Variants in USP7 observed in about 807,000 individuals in gnomAD.
USP7 encodes the protein ubiquitin C-terminal hydrolase 7.
A neutral mutation model predicts 162.9 loss-of-function variants in USP7; 9 were observed. That is an observed-to-expected ratio of 0.06 (90% CI 0.03 to 0.10). The LOEUF (loss-of-function observed/expected upper bound fraction) is 0.10. USP7 is among the 10% of genes least tolerant of loss of function. The pLI is 1.00. For synonymous variants in USP7, 562 were observed against 475.9 expected, an observed-to-expected ratio of 1.18 and a Z score of -2.35; for missense variants, 715 against 1,373.7, an observed-to-expected ratio of 0.52 and a Z score of 7.58.
chr16:8,894,999 C>G (rs201870500), intron 28 of USP7, 32 bp downstream of exon 28: 2 of 1,614,094 alleles, frequency 1.2e-6, no homozygotes, highest in Admixed American at 3.3e-5. Flanking sequence ...CAGGTTTTGA[C>G]GTGAGCCACT....
intron 1 of USP7, among the ~76,000 whole-genome samples, chr16:8,961,263 C>G (rs1055832147): frequency 6.6e-6 from 1 of 151,998 alleles, no homozygotes; most frequent in African/African-American, 2.4e-5. Context: ...AAGGACGAGG[C>G]GGGCAGATCA....
intron 21 of USP7, 74 bp downstream of exon 21, chr16:8,900,456 T>A (rs1483777991): frequency 3.5e-6 from 4 of 1,129,236 alleles, no homozygotes; most frequent in Non-Finnish European, 4.9e-6. Flanking sequence ...TAGGTACAAA[T>A]GTTTCTTGGT....
intron 30 of USP7, among the ~76,000 whole-genome samples, 182 bp downstream of exon 30, chr16:8,894,368 A>C (rs1179743668): frequency 6.6e-6 from 1 of 152,162 alleles, no homozygotes; most frequent in East Asian, 1.9e-4. Flanking sequence ...ACAGGTTACA[A>C]AGGATGTAAG....
intron 2 of USP7, among the ~76,000 whole-genome samples, chr16:8,928,651 T>G (rs1596388908): frequency 6.6e-6 from 1 of 152,174 alleles, no homozygotes; most frequent in Admixed American, 6.5e-5. Flanking sequence ...TATTACATGC[T>G]GGGTCTTTCA....
At chr16:8,947,675 C>T (rs1369954360) in intron 1 of USP7, among the ~76,000 whole-genome samples, 1 of 152,162 alleles carries the variant, frequency 6.6e-6, no homozygotes, top group Non-Finnish European at 1.5e-5. Flanking sequence ...GCCTTAATTT[C>T]TATATGGTAA....
chr16:8,898,058 A>T (rs979194998), intron 25 of USP7, among the ~76,000 whole-genome samples: 1 of 152,102 alleles, frequency 6.6e-6, no homozygotes, highest in African/African-American at 2.4e-5. Flanking sequence ...CCGCGGCAGG[A>T]AGAGCTGGAG....
Position 8,952,959 on chromosome 16 carries a change from C to A in USP7, c.79+10248G>T, listed in dbSNP as rs111436450. Among the ~76,000 whole-genome samples, 343 of 152,226 alleles carry A rather than the reference C, an allele frequency of 2.3e-3. 1 individual carries two copies. Among genetic ancestry groups the A allele is most frequent in the African/African-American group, 6.9e-3 (285 of 41,532 alleles). On this transcript the variant is annotated intron_variant, in intron 1 of 30. Coordinates refer to ENST00000344836, the MANE Select transcript of USP7 (RefSeq NM_003470.3). ...TCAAGCGATTCTCCTGCCTCGGCCTCCCAAGTAGCTGGGATTACAGTCGCG... is the reference window on the plus strand; with the variant it reads ...TCAAGCGATTCTCCTGCCTCGGCCTACCAAGTAGCTGGGATTACAGTCGCG...
At chr16:8,939,825 C>T (rs1332689119) in intron 1 of USP7, among the ~76,000 whole-genome samples, 1 of 152,194 alleles carries the variant, frequency 6.6e-6, no homozygotes, top group Admixed American at 6.5e-5. Context: ...TCTGGCCGAG[C>T]GCAGTGGCTC....
chr16:8,908,240 G>A (rs1567215412), intron 12 of USP7, 101 bp downstream of exon 12: 1 of 934,778 alleles, frequency 1.1e-6, no homozygotes, highest in African/African-American at 1.6e-5. Flanking sequence ...AAATAAATCA[G>A]ATGTGGGACT....
At chr16:8,896,927 C>A in intron 26 of USP7, 72 bp downstream of exon 26, 3 of 1,167,162 alleles carry the variant, frequency 2.6e-6, no homozygotes, top group Admixed American at 1.7e-5. Context: ...TTTCCACCAA[C>A]GCAACTGCAG....
At position 8,911,069 on chromosome 16, in the gene USP7, T is replaced by C. The variant is rs532351333; in HGVS notation, c.1079-242A>G. 2.0e-5 allele frequency among the ~76,000 whole-genome samples: 3 copies of C among 152,348 alleles called. No homozygotes were observed. The East Asian group carries it at 5.8e-4, about 29-fold the overall frequency. The stretch of plus-strand genomic sequence containing the variant: ...AAAATGACAATATGGAGGTAACAGT[T>C]AAGGTTTTACTGTTATTCGAACAAA... On this transcript the variant is annotated intron_variant, in intron 10 of 30. Transcript: ENST00000344836.
At chr16:8,900,498 C>T in intron 21 of USP7, 32 bp downstream of exon 21, 1 of 1,492,096 alleles carries the variant, frequency 6.7e-7, no homozygotes, top group Non-Finnish European at 9.1e-7. Context: ...GAAATTAGTA[C>T]AAAGTGATAC....
At chr16:8,946,735 C>G (rs1025190999) in intron 1 of USP7, among the ~76,000 whole-genome samples, 2 of 152,250 alleles carry the variant, frequency 1.3e-5, no homozygotes, top group Non-Finnish European at 2.9e-5. Flanking sequence ...GGCCTCCACA[C>G]AGCCACTCAC....
At chr16:8,927,300 CAAAAAGAAAAAAAG>C (rs1008854887) in intron 2 of USP7, among the ~76,000 whole-genome samples, 7 of 138,916 alleles carry the variant, frequency 5.0e-5, no homozygotes, top group East Asian at 2.0e-4. Flanking sequence ...CCAGCCTGGC[CAAAAAGAAAAAAAG>C]AAAAAGAAAA....
intron 7 of USP7, 100 bp from the exon 8 acceptor site, chr16:8,916,656 T>C: frequency 8.5e-7 from 1 of 1,183,134 alleles, no homozygotes; most frequent in Non-Finnish European, 1.2e-6. Context: ...TAATCAGCTA[T>C]TATTCTCAAA....
intron 1 of USP7, among the ~76,000 whole-genome samples, chr16:8,956,984 C>CTGGG (rs1373653412): frequency 6.6e-6 from 1 of 152,188 alleles, no homozygotes; most frequent in Non-Finnish European, 1.5e-5. Context: ...CCATCCCATG[C>CTGGG]TGGGTTCTTG....
chr16:8,895,265 A>G lies in USP7; in HGVS notation c.2920-115T>C, dbSNP rs1054359394. 2.0e-6 allele frequency: 3 copies of G among 1,502,654 alleles called. No individual in the cohort carries two copies. In the African/African-American group the frequency reaches 4.1e-5, roughly 21 times the overall value. The allele number at this position is 1,502,654 out of a possible 1,614,324, so 93.1% of individuals were successfully genotyped here. ...GAGGGTAAAGCCTATTTTTGCTAAA[A>G]AAACGCCACACCTGGATCCAGCCAG... On this transcript the variant is annotated intron_variant, in intron 27 of 30. Coordinates refer to ENST00000344836, the MANE Select transcript of USP7 (RefSeq NM_003470.3).
At position 8,951,454 on chromosome 16, in the gene USP7, G is replaced by C. The variant is rs1013788559; in HGVS notation, c.79+11753C>G. Among the ~76,000 whole-genome samples the C allele has an allele frequency of 2.6e-5, 4 of 152,066 alleles. No individual in the cohort carries two copies. The East Asian group carries it at 7.7e-4, about 29-fold the overall frequency. On this transcript the variant is annotated intron_variant, in intron 1 of 30. Transcript: ENST00000344836. ...GGCTCCACAGAGAACACAGCCCGGG[G>C]AGCAGGGGGCTCACCCACCTCGCCC... is the stretch of plus-strand genomic sequence containing the variant.
rs1408610872 is a variant in USP7, at chr16:8,917,013, G to A, written c.851+13C>T. The A allele has an allele frequency of 3.2e-6, 5 of 1,575,036 alleles. No individual in the cohort carries two copies. The highest frequency in any genetic ancestry group is 4.3e-6 in the Non-Finnish European group (5 of 1,163,714). Reference sequence around the variant, plus strand: ...AGGAAGCAGAATGGCAAAGGCAGATGTCTAATACATACCCAAATGACTTTG... The same window carrying A: ...AGGAAGCAGAATGGCAAAGGCAGATATCTAATACATACCCAAATGACTTTG... On this transcript the variant is annotated intron_variant, in intron 7 of 30. Coordinates refer to ENST00000344836, the MANE Select transcript of USP7 (RefSeq NM_003470.3).
Sources: gnomAD v4.1 joint callset for allele counts (sites outside exome capture counted in the v4.1 genomes callset) on GRCh38, gnomAD v4.1.1 for gene constraint, MANE v1.5 for transcripts, NCBI Gene and HGNC (gene_info 2026-07-23, HGNC 2026-07-21) for gene names.